FADS1: variants seen among roughly 807,000 people sequenced by gnomAD.
FADS1 encodes acyl-CoA (8-3)-desaturase.
In FADS1, 17 loss-of-function variants were observed where a neutral mutation model predicts 61.6. The observed-to-expected ratio is 0.28, with a 90% CI of 0.19 to 0.41. The LOEUF (loss-of-function observed/expected upper bound fraction) is 0.41. Ranked by LOEUF, FADS1 falls within the 10% of genes least tolerant of loss-of-function variation. The pLI is 1.00. For synonymous variants in FADS1, 238 were observed against 258.7 expected (o/e 0.92, Z 0.77); for missense variants, 387 against 650.9 (o/e 0.59, Z 4.41).
intron 5 of FADS1, among the ~76,000 whole-genome samples, chr11:61,808,083 C>T (rs1204042701): frequency 6.6e-6 from 1 of 152,170 alleles, no homozygotes; most frequent in Non-Finnish European, 1.5e-5. Flanking sequence ...TGCCTGTAAT[C>T]CCAGCACTTT....
At chr11:61,806,348 CAAAAAA>C in intron 6 of FADS1, 1 of 155,920 alleles carries the variant, frequency 6.4e-6, no homozygotes, top group South Asian at 9.7e-5. Flanking sequence ...GACTCCGTCT[CAAAAAA>C]AAAAAAAAAA....
intron 1 of FADS1, 178 bp from the exon 2 acceptor site, chr11:61,813,531 A>C: frequency 3.4e-6 from 2 of 588,692 alleles, no homozygotes; most frequent in Non-Finnish European, 6.0e-6. Flanking sequence ...CTGTAGCTAG[A>C]GGTTTGTAAA....
rs1160338912 is a variant in FADS1 at position 61,803,809 on chromosome 11, T to C, written c.1054-42A>G. On this transcript the variant is annotated intron_variant, in intron 7 of 11. Coordinates refer to ENST00000350997, the MANE Select transcript of FADS1 (RefSeq NM_013402.7). This position sits in a 1 kb window ranked among gnomAD's most constrained non-coding sequence, Gnocchi z 4.3. ...AGCGAGCATAACAGTCACGAACAAC[T>C]CTTCCTCTTCCTCTCAGCAGCTCTT... is the stretch of plus-strand genomic sequence containing the variant. 1 of 1,377,716 alleles carries C rather than the reference T, an allele frequency of 7.3e-7. No individual in the cohort carries two copies. 85.3% of individuals were successfully genotyped at this position (1,377,716 alleles called of 1,614,324 possible). A position where few individuals can be genotyped will look rare whatever the true frequency, so the allele number is the denominator to read the frequency against.
Position 61,812,456 on chromosome 11 carries a change from G to A in FADS1, c.684+15C>T. The A allele has an allele frequency of 6.2e-7, 1 of 1,612,890 alleles. No homozygotes were observed. Among genetic ancestry groups the A allele is most frequent in the Non-Finnish European group, 8.5e-7 (1 of 1,179,418 alleles). ...CTGAGCATTGCTGTGCACTTGACAAGCCAAAGGCTCTCACCTGAACTGCAC... is the reference window on the plus strand; with the variant it reads ...CTGAGCATTGCTGTGCACTTGACAAACCAAAGGCTCTCACCTGAACTGCAC... On this transcript the variant is annotated intron_variant, in intron 3 of 11. Coordinates refer to ENST00000350997, the MANE Select transcript of FADS1 (RefSeq NM_013402.7).
intron 5 of FADS1, 81 bp downstream of exon 5, chr11:61,810,670 A>ATGTTGT: frequency 6.5e-7 from 1 of 1,541,752 alleles, no homozygotes; most frequent in African/African-American, 1.4e-5. Flanking sequence ...CACACTGACA[A>ATGTTGT]CATCGTGGGC....
chr11:61,800,576 CCT>C lies in FADS1; in HGVS notation c.*1833_*1834del, dbSNP rs923005906. 1 of 152,394 alleles carries C rather than the reference CCT, an allele frequency of 6.6e-6. No individual in the cohort carries two copies. The highest frequency in any genetic ancestry group is 2.4e-5 in the African/African-American group (1 of 41,414). 9.4% of individuals were successfully genotyped at this position (152,394 alleles called of 1,614,324 possible). On this transcript the variant is annotated 3_prime_UTR_variant, in exon 12 of 12. Transcript: ENST00000350997. ...CCTTCCATGTCTTTGTGTTGACAAACCTCTCCATGGGTGGTGCATCTGACCCT... is the reference window on the plus strand; with the variant it reads ...CCTTCCATGTCTTTGTGTTGACAAACCTCCATGGGTGGTGCATCTGACCCT...
rs1591147854 is a variant in FADS1, at chr11:61,799,776, A to G, written c.*2635T>C. ...TGAAAGTAACAAAGATAAACATAGAAGTTGGAGTTGTAAAAAAGTGAGTTG... is the reference window on the plus strand; with the variant it reads ...TGAAAGTAACAAAGATAAACATAGAGGTTGGAGTTGTAAAAAAGTGAGTTG... On this transcript the variant is annotated 3_prime_UTR_variant, in exon 12 of 12. Coordinates refer to ENST00000350997, the MANE Select transcript of FADS1 (RefSeq NM_013402.7). 6.6e-6 allele frequency: 1 copy of G among 152,654 alleles called. No individual in the cohort carries two copies. The highest frequency in any genetic ancestry group is 6.5e-5 in the Admixed American group (1 of 15,286). The allele number at this position is 152,654 out of a possible 1,614,324, so 9.5% of individuals were successfully genotyped here.
At chr11:61,804,308 T>C in intron 7 of FADS1, 1 of 219,270 alleles carries the variant, frequency 4.6e-6, no homozygotes, top group East Asian at 1.0e-4. Flanking sequence ...GTCAGGCCCC[T>C]TTTGGAGTCC....
rs2066854328 is a variant in FADS1, at chr11:61,801,321, T to C, written c.*1090A>G. 1 of 152,328 alleles carries C rather than the reference T, an allele frequency of 6.6e-6. No homozygotes were observed. The highest frequency in any genetic ancestry group is 2.4e-5 in the African/African-American group (1 of 41,438). The allele number at this position is 152,328 out of a possible 1,614,324, so 9.4% of individuals were successfully genotyped here. ...GGAAGCAAAGGGAAACCACTGGGCA[T>C]CCCCTTTGTTTCTAGGGAGAAAAGA... is the stretch of plus-strand genomic sequence containing the variant. On this transcript the variant is annotated 3_prime_UTR_variant, in exon 12 of 12. Transcript: ENST00000350997.
Position 61,802,360 on chromosome 11 carries a change from TG to T in FADS1, c.*50del. 1 of 1,500,082 alleles carries T rather than the reference TG, an allele frequency of 6.7e-7. No homozygotes were observed. Among genetic ancestry groups the T allele is most frequent in the Non-Finnish European group, 9.1e-7 (1 of 1,098,764 alleles). The allele number at this position is 1,500,082 out of a possible 1,614,324, so 92.9% of individuals were successfully genotyped here. Reference sequence around the variant, plus strand: ...TTGTCCCTCAAGCTCCCCTCTGCCTTGGCTCCAGAGTCTTCCTCCTCTTCTT... The same window carrying T: ...TTGTCCCTCAAGCTCCCCTCTGCCTTGCTCCAGAGTCTTCCTCCTCTTCTT... On this transcript the variant is annotated 3_prime_UTR_variant, in exon 12 of 12. Coordinates refer to ENST00000350997, the MANE Select transcript of FADS1 (RefSeq NM_013402.7). The surrounding 1 kb of genome is among the most constrained non-coding windows in gnomAD (Gnocchi z 4.2).
rs965611540 is a variant in FADS1, at chr11:61,802,952, G to A, written c.1329-26C>T. 1 of 1,612,842 alleles carries A rather than the reference G, an allele frequency of 6.2e-7. No individual in the cohort carries two copies. Among genetic ancestry groups the A allele is most frequent in the East Asian group, 2.2e-5 (1 of 44,862 alleles). On this transcript the variant is annotated intron_variant, in intron 10 of 11. Coordinates refer to ENST00000350997, the MANE Select transcript of FADS1 (RefSeq NM_013402.7). The surrounding 1 kb of genome is among the most constrained non-coding windows in gnomAD (Gnocchi z 4.2). ...CTTTAGGGAGAACGGGGGAGTCAGT[G>A]GTTCCTGCTTCTCTGCTCCCACCTG... is the stretch of plus-strand genomic sequence containing the variant.
At chr11:61,805,223 T>C (rs1220645472) in intron 6 of FADS1, 2 of 180,268 alleles carry the variant, frequency 1.1e-5, no homozygotes, top group Non-Finnish European at 2.3e-5. Context: ...AGCTCCACCA[T>C]GCAGGTGAAG....
At chr11:61,805,741 G>C (rs539411136) in intron 6 of FADS1, 1 of 152,318 alleles carries the variant, frequency 6.6e-6, no homozygotes, top group Non-Finnish European at 1.5e-5. Context: ...GAGCAGAGTT[G>C]TTGTTGTTTT....
At position 61,816,012 on chromosome 11, in the gene FADS1, G is replaced by A. The variant is rs960893008; in HGVS notation, c.375+543C>T. 3 of 523,086 alleles carry A rather than the reference G, an allele frequency of 5.7e-6. No homozygotes were observed. Among genetic ancestry groups the A allele is most frequent in the Non-Finnish European group, 6.9e-6 (2 of 291,926 alleles). The allele number at this position is 523,086 out of a possible 1,614,324, so 32.4% of individuals were successfully genotyped here. ...ACGACGCAGGGGTCCCCAAGGCAGC[G>A]GTCTCCCCAAGCTTCCCGTTTCAGC... On this transcript the variant is annotated intron_variant, in intron 1 of 11. Coordinates refer to ENST00000350997, the MANE Select transcript of FADS1 (RefSeq NM_013402.7). This position sits in a 1 kb window ranked among gnomAD's most constrained non-coding sequence, Gnocchi z 7.0.
At chr11:61,813,406 G>C (rs573072898) in intron 1 of FADS1, 53 bp from the exon 2 acceptor site, 1 of 1,077,348 alleles carries the variant, frequency 9.3e-7, no homozygotes, top group East Asian at 2.4e-5. Flanking sequence ...CCTGGACTCC[G>C]GCAGTGTTCG....
chr11:61,816,999 C>CT lies in FADS1; in HGVS notation c.-71dup. ...GGGTCTTGGGCAACTCACAGCTGGG[C>CT]TGCCAACACGCGCCCCCTCGCGGGC... On this transcript the variant is annotated 5_prime_UTR_variant, in exon 1 of 12. Transcript: ENST00000350997. This position sits in a 1 kb window ranked among gnomAD's most constrained non-coding sequence, Gnocchi z 7.0. The CT allele has an allele frequency of 7.5e-7, 1 of 1,329,248 alleles. No homozygotes were observed. Among genetic ancestry groups the CT allele is most frequent in the Non-Finnish European group, 9.6e-7 (1 of 1,042,644 alleles). The allele number at this position is 1,329,248 out of a possible 1,614,324, so 82.3% of individuals were successfully genotyped here.
At chr11:61,804,834 G>A in intron 6 of FADS1, 73 bp from the exon 7 acceptor site, 1 of 1,299,956 alleles carries the variant, frequency 7.7e-7, no homozygotes, top group East Asian at 2.3e-5. Flanking sequence ...GATGTTGGGA[G>A]AGATGGCCTC....
Position 61,802,962 on chromosome 11 carries a change from T to G in FADS1, c.1329-36A>C. ...AACGGGGGAGTCAGTGGTTCCTGCT[T>G]CTCTGCTCCCACCTGTACCCAACAC... On this transcript the variant is annotated intron_variant, in intron 10 of 11. Coordinates refer to ENST00000350997, the MANE Select transcript of FADS1 (RefSeq NM_013402.7). The surrounding 1 kb of genome is among the most constrained non-coding windows in gnomAD (Gnocchi z 4.2). The G allele has an allele frequency of 6.2e-7, 1 of 1,612,988 alleles. No individual in the cohort carries two copies.
intron 1 of FADS1, 91 bp from the exon 2 acceptor site, chr11:61,813,444 G>C: frequency 1.3e-6 from 1 of 748,428 alleles, no homozygotes; most frequent in Non-Finnish European, 2.3e-6. Context: ...CTGCCCGCCA[G>C]AAGGCTGTAC....
Sources: gnomAD v4.1 joint callset for allele counts (sites outside exome capture counted in the v4.1 genomes callset) on GRCh38, gnomAD v4.1.1 for gene constraint, Gnocchi (gnomAD v3.1) non-coding constraint, MANE v1.5 for transcripts, NCBI Gene and HGNC (gene_info 2026-07-23, HGNC 2026-07-21) for gene names.